The following AOC2 variants were observed in gnomAD, a reference collection of about 807,000 sequenced individuals.
The protein encoded by AOC2 is amine oxidase copper containing 2.
AOC2 carries 57 observed loss-of-function variants against 53.8 expected under a neutral mutation model. That is an observed-to-expected ratio of 1.06 (90% CI 0.86 to 1.32). The LOEUF is 1.32. Ranked by LOEUF, AOC2 falls within the 40% of genes most tolerant of loss-of-function variation. The pLI, the probability that AOC2 is intolerant of heterozygous loss-of-function variation, is 0.00. For missense variants in AOC2, 1,008 were observed against 957.2 expected, an observed-to-expected ratio of 1.05 and a Z score of -0.70; for synonymous variants, 404 against 399.0, an observed-to-expected ratio of 1.01 and a Z score of -0.15.
chr17:42,847,118 G>A (rs933996999), intron 1 of AOC2, among the ~76,000 whole-genome samples: 6 of 152,242 alleles, frequency 3.9e-5, no homozygotes, highest in African/African-American at 1.4e-4. Context: ...TGTTCGCAGT[G>A]GTGTGGAGGG....
Position 42,849,996 on chromosome 17 carries a change from C to A in AOC2, c.2005-86C>A. On this transcript the variant is annotated intron_variant, in intron 3 of 3. Coordinates refer to ENST00000253799, the MANE Select transcript of AOC2 (RefSeq NM_009590.4). Reference sequence around the variant, plus strand: ...GAGGCTGGGGAGAGTGGAAGCCAGGCTGAGACTGGAGGCTGGGATTGTGAC... The same window carrying A: ...GAGGCTGGGGAGAGTGGAAGCCAGGATGAGACTGGAGGCTGGGATTGTGAC... The A allele has an allele frequency of 2.0e-6, 3 of 1,535,496 alleles. No homozygotes were observed. The South Asian group carries it at 3.7e-5, about 19-fold the overall frequency.
chr17:42,849,446 T>C (rs2055629029), intron 2 of AOC2, 75 bp downstream of exon 2: 4 of 1,576,998 alleles, frequency 2.5e-6, no homozygotes, highest in Non-Finnish European at 3.5e-6. Context: ...ACAAACTCCC[T>C]TCCCACGGCT....
chr17:42,849,585 T>TA lies in AOC2; in HGVS notation c.1875-15dup, dbSNP rs771475779. On this transcript the variant is annotated splice_polypyrimidine_tract_variant and intron_variant, in intron 2 of 3. Coordinates refer to ENST00000253799, the MANE Select transcript of AOC2 (RefSeq NM_009590.4). ...TTGACATTTCCCAAAACCACCTTCT[T>TA]ATGATTCCTGGCCAGATACCAGCTT... 1.9e-6 allele frequency: 3 copies of TA among 1,614,172 alleles called. No individual in the cohort carries two copies. In the South Asian group the frequency reaches 3.3e-5, roughly 18 times the overall value.
chr17:42,846,268 GAGGGA>G, intron 1 of AOC2, 54 bp downstream of exon 1: 5 of 1,435,978 alleles, frequency 3.5e-6, no homozygotes, highest in Non-Finnish European at 3.7e-6. Context: ...AGGTGGGGTG[GAGGGA>G]AGGGAAGGGA....
Position 42,850,078 on chromosome 17 carries a change from G to T in AOC2, c.2005-4G>T. On this transcript the variant is annotated splice_polypyrimidine_tract_variant and splice_region_variant and intron_variant, in intron 3 of 3. Coordinates refer to ENST00000253799, the MANE Select transcript of AOC2 (RefSeq NM_009590.4). ...AGTCCTCCAGCTCCTCCTTCTTCTT[G>T]CAGGATCTGGTGGCTTGGGTCACAG... 6.2e-7 allele frequency: 1 copy of T among 1,611,718 alleles called. No individual in the cohort carries two copies. The highest frequency in any genetic ancestry group is 1.1e-5 in the South Asian group (1 of 91,028).
At chr17:42,848,944 C>G (rs1248833931) in intron 1 of AOC2, 142 bp from the exon 2 acceptor site, 5 of 933,048 alleles carry the variant, frequency 5.4e-6, no homozygotes, top group Middle Eastern at 2.9e-4. Flanking sequence ...TTGCCCAGAC[C>G]TCCTGGCTCC....
intron 2 of AOC2, 100 bp from the exon 3 acceptor site, chr17:42,849,501 G>A (rs541208470): frequency 5.0e-6 from 8 of 1,591,726 alleles, no homozygotes; most frequent in East Asian, 2.2e-5. Flanking sequence ...TTAGATACAC[G>A]GTGGGAAATG....
At chr17:42,848,065 C>CTTTTTTTTT (rs61450612) in intron 1 of AOC2, among the ~76,000 whole-genome samples, 2 of 101,344 alleles carry the variant, frequency 2.0e-5, no homozygotes, top group African/African-American at 1.1e-4. Context: ...CATGCCCGGC[C>CTTTTTTTTT]TTTTTTTTTT....
At chr17:42,846,483 A>G (rs35916033) in intron 1 of AOC2, among the ~76,000 whole-genome samples, 1 of 152,180 alleles carries the variant, frequency 6.6e-6, no homozygotes. Context: ...AACTAGTTTA[A>G]ATGTAATGGC....
rs571228828 is a variant in AOC2 at position 42,849,322 on chromosome 17, A to G, written c.1825A>G (p.Ile609Val). Reference sequence around the variant, plus strand: ...AATCCAGATCCACAGCCCCCTTGGCATACACATACCCCTGGAGAGTGACAT... The same window carrying G: ...AATCCAGATCCACAGCCCCCTTGGCGTACACATACCCCTGGAGAGTGACAT... ...YRIQIHSPLGIHIPLESDMER... is the reference protein window; with the variant it reads ...YRIQIHSPLGVHIPLESDMER... The change falls in exon 2 of 4, where the codon ATA becomes GTA. Residue 609 changes from isoleucine (I) to valine (V), a missense_variant. Physicochemically the swap from Ile to Val is conservative, Grantham distance 29. Coordinates refer to ENST00000253799, the MANE Select transcript of AOC2 (RefSeq NM_009590.4). The G allele has an allele frequency of 7.4e-6, 12 of 1,614,158 alleles. No individual in the cohort carries two copies. The highest frequency in any genetic ancestry group is 4.4e-5 in the South Asian group (4 of 91,086).
Position 42,844,810 on chromosome 17 carries a change from G to C in AOC2, c.184G>C (p.Glu62Gln). ...CCAGCTGTTTGCAGACCTGAGCCGA[G>C]AGGAGTTGACAGCTGTGATGCGCTT... Reference protein sequence around the residue: ...QSQLFADLSREELTAVMRFLT... With the variant: ...QSQLFADLSRQELTAVMRFLT... The change falls in exon 1 of 4, where the codon GAG becomes CAG. Residue 62 changes from glutamate (E) to glutamine (Q), a missense_variant. Physicochemically the swap from Glu to Gln is conservative, Grantham distance 29. Coordinates refer to ENST00000253799, the MANE Select transcript of AOC2 (RefSeq NM_009590.4). The C allele has an allele frequency of 3.1e-6, 5 of 1,614,078 alleles. No homozygotes were observed. Among genetic ancestry groups the C allele is most frequent in the Non-Finnish European group, 4.2e-6 (5 of 1,179,946 alleles).
intron 1 of AOC2, 73 bp from the exon 2 acceptor site, chr17:42,849,013 A>G: frequency 1.4e-6 from 2 of 1,462,138 alleles, no homozygotes; most frequent in South Asian, 2.7e-5. Flanking sequence ...AGTGGACATC[A>G]TGGGGAAGAC....
Position 42,846,053 on chromosome 17 carries a change from A to G in AOC2, c.1427A>G (p.Asn476Ser). ...DYIWDFVLYP[N>S]GALEGRVHAT... ...ATTTGGGACTTTGTGTTGTACCCAA[A>G]TGGGGCACTTGAAGGGCGGGTCCAT... Residue 476 changes from asparagine (N) to serine (S), a missense_variant, in exon 1 of 4, where the codon AAT (asparagine) becomes AGT (serine). Asn to Ser is a conservative substitution (Grantham distance 46). Transcript: ENST00000253799. 6.2e-7 allele frequency: 1 copy of G among 1,610,168 alleles called. No individual in the cohort carries two copies. The highest frequency in any genetic ancestry group is 8.5e-7 in the Non-Finnish European group (1 of 1,176,776).
rs769901869 is a variant in AOC2 at position 42,849,366 on chromosome 17, G to C, written c.1869G>C (p.Trp623Cys). The stretch of plus-strand genomic sequence containing the variant: ...GTGACATGGAGAGGGCCCTCAGCTG[G>C]GGGAGGTGAGGAGGGCCCTGGCCTG... ...LESDMERALS[W>C]GRYQLVVTQR... Residue 623 changes from tryptophan (W) to cysteine (C), a missense_variant, in exon 2 of 4, where the codon TGG (tryptophan) becomes TGC (cysteine). Transcript: ENST00000253799. 6.2e-7 allele frequency: 1 copy of C among 1,610,816 alleles called. No individual in the cohort carries two copies. The highest frequency in any genetic ancestry group is 2.2e-5 in the East Asian group (1 of 44,776).
chr17:42,849,869 C>A, intron 3 of AOC2, 139 bp downstream of exon 3: 8 of 1,320,754 alleles, frequency 6.1e-6, no homozygotes, highest in Non-Finnish European at 7.4e-6. Context: ...TGATGACCAA[C>A]ACAGGTCATC....
chr17:42,846,651 T>G (rs3744236), intron 1 of AOC2, among the ~76,000 whole-genome samples: 11 of 152,108 alleles, frequency 7.2e-5, no homozygotes, highest in Non-Finnish European at 1.5e-4. Context: ...TCCAGAGTCT[T>G]CAGGGTGGGG....
In AOC2 at chr17:42,845,016, C is replaced by G; in HGVS notation, c.390C>G (p.Pro130=). ...ALAIVLFGGQ[P]QPNVSELVVG... ...CCATCGTCCTCTTTGGTGGACAACC[C>G]CAACCCAATGTGAGTGAGCTGGTGG... is the stretch of plus-strand genomic sequence containing the variant. Residue 130 remains proline (P), a synonymous_variant, in exon 1 of 4, where the codon CCC becomes CCG. Transcript: ENST00000253799. 1.9e-6 allele frequency: 3 copies of G among 1,613,770 alleles called. No individual in the cohort carries two copies. The highest frequency in any genetic ancestry group is 2.5e-6 in the Non-Finnish European group (3 of 1,179,908).
rs2055642630 is a variant in AOC2, at chr17:42,850,275, A to G, written c.2198A>G (p.Asn733Ser). 1.9e-6 allele frequency: 3 copies of G among 1,613,892 alleles called. No individual in the cohort carries two copies. Among genetic ancestry groups the G allele is most frequent in the Non-Finnish European group, 2.5e-6 (3 of 1,179,886 alleles). The change falls in exon 4 of 4, where the codon AAT becomes AGT. Residue 733 changes from asparagine to serine, a missense_variant. Asn to Ser is a conservative substitution (Grantham distance 46). Transcript: ENST00000253799. ...CAGGATGCTGGGCTCTGCAGCATCA[A>G]TCCTGTGGCCTGCCTCCCCGACCTG... is the stretch of plus-strand genomic sequence containing the variant. ...KGQDAGLCSI[N>S]PVACLPDLAA...
rs747107613 is a variant in AOC2 at position 42,845,217 on chromosome 17, C to A, written c.591C>A (p.Tyr197Ter). The part of the protein sequence containing the change: ...APIFLSSTFN[Y>*]NGSTLAAVHA... ...TCTTCCTGTCGTCCACCTTCAACTA[C>A]AATGGCTCTACCCTGGCAGCTGTGC... Residue 197 changes from tyrosine (Y) to a stop codon, truncating the protein, a stop_gained, in exon 1 of 4, where the codon TAC (tyrosine) becomes TAA (stop). Transcript: ENST00000253799. LOFTEE classifies it high-confidence loss of function. 1.9e-6 allele frequency: 3 copies of A among 1,613,914 alleles called. No individual in the cohort carries two copies. In the African/African-American group the frequency reaches 4.0e-5, roughly 22 times the overall value.
Sources: gnomAD v4.1 joint callset for allele counts (sites outside exome capture counted in the v4.1 genomes callset) on GRCh38, gnomAD v4.1.1 for gene constraint, MANE v1.5 for transcripts, NCBI Gene and HGNC (gene_info 2026-07-23, HGNC 2026-07-21) for gene names.